Variants in LMX1B observed in about 807,000 individuals in gnomAD.
LMX1B encodes LIM homeobox transcription factor 1 beta, also known as LIM homeobox transcription factor 1-beta.
A neutral mutation model predicts 51.4 loss-of-function variants in LMX1B; 12 were observed. That is an observed-to-expected ratio of 0.23 (90% CI 0.15 to 0.38). The LOEUF (loss-of-function observed/expected upper bound fraction) is 0.38. Among genes scored for constraint, LMX1B ranks in the 10% least tolerant of loss-of-function variants. The pLI, the probability that LMX1B is intolerant of heterozygous loss-of-function variation, is 1.00. For synonymous variants in LMX1B, 237 were observed against 235.4 expected (o/e 1.01, Z -0.06); for missense variants, 445 against 571.1 (o/e 0.78, Z 2.25).
Position 126,689,205 on chromosome 9 carries a change from G to A in LMX1B, c.327-1631G>A, listed in dbSNP as rs562097186. On this transcript the variant is annotated intron_variant, in intron 2 of 7. Transcript: ENST00000373474. The stretch of plus-strand genomic sequence containing the variant: ...AGGTGGGTGGCAGGGGTTGCTGGGG[G>A]TGCCCCCTGCTGAGTGCTCTGGCCA... 3.6e-3 allele frequency among the ~76,000 whole-genome samples: 549 copies of A among 152,316 alleles called. 3 individuals carry two copies. The highest frequency in any genetic ancestry group is 6.3e-3 in the Non-Finnish European group (429 of 68,018).
At chr9:126,670,739 T>A (rs1259373112) in intron 2 of LMX1B, among the ~76,000 whole-genome samples, 1 of 152,138 alleles carries the variant, frequency 6.6e-6, no homozygotes, top group Non-Finnish European at 1.5e-5. Context: ...CTTGGATAGG[T>A]TCTTGGAAAC....
intron 2 of LMX1B, among the ~76,000 whole-genome samples, chr9:126,652,121 C>T (rs996945705): frequency 6.6e-6 from 1 of 152,102 alleles, no homozygotes; most frequent in Admixed American, 6.5e-5. Context: ...TGGAGGGGCC[C>T]GGCTTGGCTG....
intron 2 of LMX1B, among the ~76,000 whole-genome samples, chr9:126,629,945 A>G (rs1835603350): frequency 6.6e-6 from 1 of 151,916 alleles, no homozygotes; most frequent in African/African-American, 2.4e-5. Context: ...GGAGATCGAG[A>G]CCATCCTGGT....
rs1835239317 is a variant in LMX1B, at chr9:126,613,961, G to A, written c.-489G>A. Among the ~76,000 whole-genome samples the A allele has an allele frequency of 1.4e-5, 2 of 145,736 alleles. No homozygotes were observed. The highest frequency in any genetic ancestry group is 4.2e-4 in the South Asian group (2 of 4,784). On this transcript the variant is annotated 5_prime_UTR_variant, in exon 1 of 8. Transcript: ENST00000373474. This position sits in a 1 kb window ranked among gnomAD's most constrained non-coding sequence, Gnocchi z 4.5. ...CTCTAAACCCGGCGGCTCAGCGGGC[G>A]CACCATGGCACTGGAGTAGCGCGGG...
chr9:126,629,796 A>C (rs1835601322), intron 2 of LMX1B, among the ~76,000 whole-genome samples: 2 of 151,854 alleles, frequency 1.3e-5, no homozygotes, highest in Admixed American at 6.6e-5. Context: ...CCAAGGTGGC[A>C]AGCTGATGAT....
In LMX1B at chr9:126,696,494, G is replaced by A. The variant is rs772008129; in HGVS notation, c.*43G>A. 3 of 1,609,460 alleles carry A rather than the reference G, an allele frequency of 1.9e-6. No homozygotes were observed. The highest frequency in any genetic ancestry group is 2.5e-6 in the Non-Finnish European group (3 of 1,176,522). On this transcript the variant is annotated 3_prime_UTR_variant, in exon 8 of 8. Coordinates refer to ENST00000373474, the MANE Select transcript of LMX1B (RefSeq NM_001174147.2). ...GGACGCTTGGGCAGGGGCCTGGGGGGGACTGCCAGCCTCTGCGGCCAGCCT... is the reference window on the plus strand; with the variant it reads ...GGACGCTTGGGCAGGGGCCTGGGGGAGACTGCCAGCCTCTGCGGCCAGCCT...
Position 126,696,022 on chromosome 9 carries a change from A to ACC in LMX1B, c.1051+21_1051+22dup. On this transcript the variant is annotated intron_variant, in intron 7 of 7. Coordinates refer to ENST00000373474, the MANE Select transcript of LMX1B (RefSeq NM_001174147.2). ...CCCTATGGTAAGCCGCCCTACCCCC[A>ACC]CCCGCCCGCCCCAGCACAGCCCCTG... is the stretch of plus-strand genomic sequence containing the variant. The ACC allele has an allele frequency of 1.9e-6, 1 of 523,604 alleles. No individual in the cohort carries two copies. Among genetic ancestry groups the ACC allele is most frequent in the Non-Finnish European group, 2.4e-6 (1 of 408,716 alleles). The allele number at this position is 523,604 out of a possible 1,614,324, so 32.4% of individuals were successfully genotyped here. A position where few individuals can be genotyped will look rare whatever the true frequency, so the allele number is the denominator to read the frequency against.
intron 2 of LMX1B, among the ~76,000 whole-genome samples, chr9:126,648,500 C>T (rs547050580): frequency 7.8e-4 from 118 of 152,112 alleles, no homozygotes; most frequent in Non-Finnish European, 1.4e-3. Flanking sequence ...AGCTGTGGTA[C>T]CCAGGGCAGG....
chr9:126,652,510 A>G (rs1045679756), intron 2 of LMX1B, among the ~76,000 whole-genome samples: 3 of 152,218 alleles, frequency 2.0e-5, no homozygotes, highest in African/African-American at 7.2e-5. Flanking sequence ...GGCTACCGCT[A>G]ATGCTACGTG....
In LMX1B at chr9:126,684,003, A is replaced by C. The variant is rs532414086; in HGVS notation, c.327-6833A>C. Among the ~76,000 whole-genome samples the C allele has an allele frequency of 2.0e-5, 3 of 152,162 alleles. 1 individual carries two copies. The South Asian group carries it at 6.2e-4, about 32-fold the overall frequency. ...CCCATCCAAGCACGTGTCCTACGGGATGAGATTCTAACTCCATGCCCCAAG... is the reference window on the plus strand; with the variant it reads ...CCCATCCAAGCACGTGTCCTACGGGCTGAGATTCTAACTCCATGCCCCAAG... On this transcript the variant is annotated intron_variant, in intron 2 of 7. Transcript: ENST00000373474.
In LMX1B at chr9:126,618,309, TC is replaced by T. The variant is rs1835341992; in HGVS notation, c.326+2741del. Among the ~76,000 whole-genome samples, 1 of 152,230 alleles carries T rather than the reference TC, an allele frequency of 6.6e-6. No homozygotes were observed. The highest frequency in any genetic ancestry group is 1.5e-5 in the Non-Finnish European group (1 of 68,042). ...TTTTAGTAAATGTCTCTTCTTCCTTTCGATTTGTTCTCAAAGATCCCAGACA... is the reference window on the plus strand; with the variant it reads ...TTTTAGTAAATGTCTCTTCTTCCTTTGATTTGTTCTCAAAGATCCCAGACA... On this transcript the variant is annotated intron_variant, in intron 2 of 7. Coordinates refer to ENST00000373474, the MANE Select transcript of LMX1B (RefSeq NM_001174147.2). The surrounding 1 kb of genome is among the most constrained non-coding windows in gnomAD (Gnocchi z 4.5).
rs76468513 is a variant in LMX1B at position 126,637,527 on chromosome 9, G to A, written c.326+21958G>A. Among the ~76,000 whole-genome samples, 1,112 of 152,224 alleles carry A rather than the reference G, an allele frequency of 7.3e-3. 3 individuals are homozygous for A. Among genetic ancestry groups the A allele is most frequent in the Non-Finnish European group, 0.011 (739 of 67,994 alleles). The stretch of plus-strand genomic sequence containing the variant: ...GGTGTGTGGCATACAGGTTCATCCT[G>A]AGGATGCTGTGTGAGTCTGGGTGTC... On this transcript the variant is annotated intron_variant, in intron 2 of 7. Transcript: ENST00000373474.
chr9:126,616,279 G>C (rs1835301455), intron 2 of LMX1B, among the ~76,000 whole-genome samples: 1 of 152,204 alleles, frequency 6.6e-6, no homozygotes, highest in Admixed American at 6.5e-5. Flanking sequence ...CTTTCTGGTA[G>C]TGTGTATTGA....
At chr9:126,652,598 C>T (rs1307910769) in intron 2 of LMX1B, among the ~76,000 whole-genome samples, 1 of 152,238 alleles carries the variant, frequency 6.6e-6, no homozygotes, top group African/African-American at 2.4e-5. Flanking sequence ...TGTGCTCCCA[C>T]CTGTGCGTGA....
rs1343846791 is a variant in LMX1B at position 126,673,180 on chromosome 9, C to G, written c.327-17656C>G. ...GAGATGAGAACTCCAGAAGCTCGGG[C>G]CAGAGCCTGGCTCACAGCAGGTATC... On this transcript the variant is annotated intron_variant, in intron 2 of 7. Coordinates refer to ENST00000373474, the MANE Select transcript of LMX1B (RefSeq NM_001174147.2). This position sits in a 1 kb window ranked among gnomAD's most constrained non-coding sequence, Gnocchi z 4.4. Among the ~76,000 whole-genome samples the G allele has an allele frequency of 3.9e-5, 6 of 152,162 alleles. No individual in the cohort carries two copies. Among genetic ancestry groups the G allele is most frequent in the Non-Finnish European group, 7.4e-5 (5 of 68,008 alleles).
chr9:126,622,147 G>A (rs1835427579), intron 2 of LMX1B, among the ~76,000 whole-genome samples: 3 of 152,292 alleles, frequency 2.0e-5, no homozygotes, highest in Admixed American at 6.5e-5. Flanking sequence ...GGGAGGCTTT[G>A]TCTCAATTGG....
intron 2 of LMX1B, among the ~76,000 whole-genome samples, chr9:126,654,680 C>T (rs1246850943): frequency 6.6e-6 from 1 of 152,240 alleles, no homozygotes; most frequent in Non-Finnish European, 1.5e-5. Context: ...GGTCTGAGCA[C>T]CTGGCTCTAG....
chr9:126,673,800 G>T lies in LMX1B; in HGVS notation c.327-17036G>T, dbSNP rs1226529434. 2.0e-5 allele frequency among the ~76,000 whole-genome samples: 3 copies of T among 152,130 alleles called. No homozygotes were observed. The highest frequency in any genetic ancestry group is 4.4e-5 in the Non-Finnish European group (3 of 68,020). On this transcript the variant is annotated intron_variant, in intron 2 of 7. Transcript: ENST00000373474. The surrounding 1 kb of genome is among the most constrained non-coding windows in gnomAD (Gnocchi z 4.4). ...GGTGGTGGGAGGGGCCGGGGTGGAG[G>T]GCGCATCCCCACGGGGAGATTGGAT...
chr9:126,664,843 C>A (rs1448194302), intron 2 of LMX1B, among the ~76,000 whole-genome samples: 1 of 152,182 alleles, frequency 6.6e-6, no homozygotes. Flanking sequence ...CCATCGCAGT[C>A]CAGCCTGGGC....
Sources: allele counts gnomAD v4.1 joint callset (sites outside exome capture counted in the v4.1 genomes callset), GRCh38; gene constraint gnomAD v4.1.1; non-coding constraint Gnocchi (gnomAD v3.1); transcripts MANE v1.5; gene names NCBI Gene and HGNC (gene_info 2026-07-23, HGNC 2026-07-21).